Variants in SHANK2 observed in about 807,000 individuals in gnomAD.
SHANK2 encodes SH3 and multiple ankyrin repeat domains protein 2.
SHANK2 carries 43 observed loss-of-function variants against 133.7 expected under a neutral mutation model. That is an observed-to-expected ratio of 0.32 (90% CI 0.25 to 0.41). The LOEUF is 0.41. Ranked by LOEUF, SHANK2 falls within the 10% of genes least tolerant of loss-of-function variation. The pLI, the probability that SHANK2 is intolerant of heterozygous loss-of-function variation, is 1.00. For synonymous variants in SHANK2, 1,017 were observed against 952.8 expected, an observed-to-expected ratio of 1.07 and a Z score of -1.24; for missense variants, 1,994 against 2,235.8, an observed-to-expected ratio of 0.89 and a Z score of 2.18.
intron 14 of SHANK2, among the ~76,000 whole-genome samples, chr11:70,726,195 G>A (rs1555030628): frequency 6.6e-6 from 1 of 152,118 alleles, no homozygotes; most frequent in Non-Finnish European, 1.5e-5. Context: ...CAGAAGCAGC[G>A]AGTACAGAGG....
intron 17 of SHANK2, among the ~76,000 whole-genome samples, chr11:70,580,485 G>GTGGGCCTGCAGCC (rs1451086140): frequency 2.6e-5 from 4 of 152,236 alleles, no homozygotes; most frequent in African/African-American, 9.6e-5. Context: ...AATGAGCGGC[G>GTGGGCCTGCAGCC]TGGGCCTGCA....
intron 17 of SHANK2, among the ~76,000 whole-genome samples, chr11:70,649,431 C>T (rs1350694030): frequency 4.6e-5 from 7 of 152,144 alleles, no homozygotes; most frequent in African/African-American, 1.2e-4. Context: ...TTACTGTTGG[C>T]GCACACACAC....
intron 17 of SHANK2, among the ~76,000 whole-genome samples, chr11:70,564,471 G>A (rs997448860): frequency 1.3e-5 from 2 of 151,978 alleles, no homozygotes; most frequent in African/African-American, 2.4e-5. Flanking sequence ...TGTTGGCCAG[G>A]CTGGTCTCGA....
intron 2 of SHANK2, among the ~76,000 whole-genome samples, chr11:71,164,737 G>T (rs1953103764): frequency 6.6e-6 from 1 of 152,152 alleles, no homozygotes; most frequent in Non-Finnish European, 1.5e-5. Flanking sequence ...TCAAATCAAG[G>T]GTAAGAACTC....
At chr11:70,653,226 G>T (rs1345061878) in intron 17 of SHANK2, among the ~76,000 whole-genome samples, 1 of 152,102 alleles carries the variant, frequency 6.6e-6, no homozygotes, top group East Asian at 1.9e-4. Context: ...GCCTGCCTTG[G>T]CCTCCCAAAG....
rs1034411913 is a variant in SHANK2 at position 70,739,990 on chromosome 11, T to A, written c.1778-41227A>T. Among the ~76,000 whole-genome samples the A allele has an allele frequency of 2.0e-5, 3 of 152,208 alleles. No homozygotes were observed. Among genetic ancestry groups the A allele is most frequent in the Admixed American group, 1.3e-4 (2 of 15,282 alleles). On this transcript the variant is annotated intron_variant, in intron 14 of 25. Transcript: ENST00000601538. This position sits in a 1 kb window ranked among gnomAD's most constrained non-coding sequence, Gnocchi z 4.3. ...TTCGCCATCAGGAGACCTTGGACAG[T>A]CACACGACCCAGACCAGGGGCCCGG...
chr11:70,769,795 G>A (rs1375294048), intron 14 of SHANK2, among the ~76,000 whole-genome samples: 1 of 151,592 alleles, frequency 6.6e-6, no homozygotes, highest in Non-Finnish European at 1.5e-5. Context: ...CTGTGTGCAG[G>A]CATGCACGTA....
intron 11 of SHANK2, among the ~76,000 whole-genome samples, chr11:70,846,225 C>T (rs1565357566): frequency 6.6e-6 from 1 of 152,106 alleles, no homozygotes; most frequent in East Asian, 1.9e-4. Context: ...AGGAGGACAA[C>T]TGAGCCTTCA....
intron 14 of SHANK2, among the ~76,000 whole-genome samples, chr11:70,745,714 C>G (rs564586050): frequency 2.4e-4 from 37 of 152,324 alleles, no homozygotes; most frequent in African/African-American, 8.2e-4. Context: ...GGTCTGCCTC[C>G]TACTTCTGTG....
intron 17 of SHANK2, among the ~76,000 whole-genome samples, chr11:70,575,379 C>T (rs1030002180): frequency 3.3e-5 from 5 of 152,036 alleles, no homozygotes; most frequent in Admixed American, 6.6e-5. Flanking sequence ...ATCAGCTGGG[C>T]ATGGTGGTGG....
intron 15 of SHANK2, among the ~76,000 whole-genome samples, chr11:70,680,801 AT>A (rs1476852240): frequency 1.3e-5 from 2 of 152,132 alleles, no homozygotes; most frequent in Non-Finnish European, 2.9e-5. Flanking sequence ...GTTTTCAACA[AT>A]CTTTCGCAGA....
intron 15 of SHANK2, 163 bp from the exon 16 acceptor site, chr11:70,661,841 C>G (rs372527037): frequency 1.3e-6 from 2 of 1,599,872 alleles, no homozygotes; most frequent in East Asian, 4.5e-5. Flanking sequence ...GCAGGAGGAG[C>G]GAAGGAAGAG....
intron 2 of SHANK2, among the ~76,000 whole-genome samples, chr11:71,165,511 C>A (rs1450824133): frequency 2.0e-5 from 3 of 152,156 alleles, no homozygotes; most frequent in Non-Finnish European, 2.9e-5. Flanking sequence ...GCCCCACAGC[C>A]TCAAGGCCCC....
At chr11:70,905,439 C>T (rs782019464) in intron 10 of SHANK2, among the ~76,000 whole-genome samples, 17 of 152,158 alleles carry the variant, frequency 1.1e-4, no homozygotes, top group Admixed American at 2.0e-4. Flanking sequence ...TTCTGAATGA[C>T]GAAATGACTC....
intron 10 of SHANK2, among the ~76,000 whole-genome samples, chr11:70,923,081 C>T (rs1277773643): frequency 6.6e-6 from 1 of 152,136 alleles, no homozygotes; most frequent in African/African-American, 2.4e-5. Flanking sequence ...CCAACTGACA[C>T]TTTTTATGAC....
At chr11:71,189,310 T>C (rs1299672735) in intron 2 of SHANK2, among the ~76,000 whole-genome samples, 1 of 152,228 alleles carries the variant, frequency 6.6e-6, no homozygotes, top group Non-Finnish European at 1.5e-5. Flanking sequence ...GCCTCGCTGG[T>C]GACCAATCAG....
Position 70,487,006 on chromosome 11 carries a change from C to T in SHANK2, c.3287G>A (p.Arg1096Lys). ...VRDREKRLEARRNSPAFLSTD... is the reference protein window; with the variant it reads ...VRDREKRLEAKRNSPAFLSTD... ...GGAGAGGAAGGCCGGGGAGTTCCTCCTGGCTTCCAGCCGCTTCTCACGGTC... is the reference window on the plus strand; with the variant it reads ...GGAGAGGAAGGCCGGGGAGTTCCTCTTGGCTTCCAGCCGCTTCTCACGGTC... The change falls in exon 25 of 26, where the codon AGG becomes AAG. Residue 1096 changes from arginine to lysine, a missense_variant. Transcript: ENST00000601538. This position sits in a 1 kb window ranked among gnomAD's most constrained non-coding sequence, Gnocchi z 5.8. 1.2e-6 allele frequency: 2 copies of T among 1,610,726 alleles called. No homozygotes were observed. Among genetic ancestry groups the T allele is most frequent in the Non-Finnish European group, 1.7e-6 (2 of 1,179,740 alleles).
At chr11:70,596,325 G>C (rs763412) in intron 17 of SHANK2, among the ~76,000 whole-genome samples, 7,698 of 151,220 alleles carry the variant, frequency 0.051, 263 homozygotes, top group Non-Finnish European at 0.067. Flanking sequence ...TGGGAACCAA[G>C]AGGGGAGGGG....
At chr11:70,667,018 C>T (rs1944691050) in intron 15 of SHANK2, among the ~76,000 whole-genome samples, 1 of 152,052 alleles carries the variant, frequency 6.6e-6, no homozygotes, top group South Asian at 2.1e-4. Flanking sequence ...CCAGCCCCAC[C>T]AAGTACAGCT....
Sources: allele counts gnomAD v4.1 joint callset (sites outside exome capture counted in the v4.1 genomes callset), GRCh38; gene constraint gnomAD v4.1.1; non-coding constraint Gnocchi (gnomAD v3.1); transcripts MANE v1.5; gene names NCBI Gene and HGNC (gene_info 2026-07-23, HGNC 2026-07-21).